The following FAT1 variants were observed in gnomAD, a reference collection of about 807,000 sequenced individuals.
FAT1 encodes the protein protocadherin Fat 1.
Under a neutral mutation model 329.8 loss-of-function variants are expected in FAT1, and 171 were observed. The ratio of observed to expected loss-of-function variants is 0.52; its 90% CI spans 0.46 to 0.59. FAT1 has a LOEUF of 0.59. Among genes scored for constraint, FAT1 ranks in the 20% least tolerant of loss-of-function variants. FAT1 has a pLI of 0.00. For missense variants in FAT1, 5,672 were observed against 5,774.4 expected, an observed-to-expected ratio of 0.98 and a Z score of 0.57; for synonymous variants, 2,233 against 2,228.6, an observed-to-expected ratio of 1.00 and a Z score of -0.06.
intron 3 of FAT1, 89 bp from the exon 4 acceptor site, chr4:186,639,872 G>A (rs968749534): frequency 1.3e-5 from 15 of 1,119,354 alleles, no homozygotes; most frequent in Non-Finnish European, 2.0e-5. Flanking sequence ...GCCAGGTGCG[G>A]TAGCTCATGC....
chr4:186,608,623 C>A (rs1486917980), intron 16 of FAT1, among the ~76,000 whole-genome samples: 1 of 152,172 alleles, frequency 6.6e-6, no homozygotes, highest in African/African-American at 2.4e-5. Context: ...AGGGGAGCAA[C>A]TGACCTTCCT....
chr4:186,605,971 T>A lies in FAT1; in HGVS notation c.10350+99A>T. On this transcript the variant is annotated intron_variant, in intron 17 of 26. Transcript: ENST00000441802. Reference sequence around the variant, plus strand: ...TCTTGAATTCTACGTTTCCCATTTTTCTAGAAAGAAACCTTTGGATAAGAA... The same window carrying A: ...TCTTGAATTCTACGTTTCCCATTTTACTAGAAAGAAACCTTTGGATAAGAA... 3.4e-6 allele frequency: 4 copies of A among 1,165,208 alleles called. No individual in the cohort carries two copies. In the South Asian group the frequency reaches 6.0e-5, roughly 17 times the overall value. 72.2% of individuals were successfully genotyped at this position (1,165,208 alleles called of 1,614,324 possible). A position where few individuals can be genotyped will look rare whatever the true frequency, so the allele number is the denominator to read the frequency against.
Position 186,627,084 on chromosome 4 carries a change from G to A in FAT1, c.4810+1070C>T, listed in dbSNP as rs544319653. ...ATAAAGTGAGCTTCACCAGCCCACA[G>A]AATGAATGAATGAATGAATGAATGA... On this transcript the variant is annotated intron_variant, in intron 9 of 26. Coordinates refer to ENST00000441802, the MANE Select transcript of FAT1 (RefSeq NM_005245.4). Among the ~76,000 whole-genome samples the A allele has an allele frequency of 3.2e-4, 37 of 115,162 alleles. 1 individual carries two copies. The South Asian group carries it at 0.01, about 31-fold the overall frequency. 75.6% of individuals were successfully genotyped at this position (115,162 alleles called of 152,430 possible).
chr4:186,611,556 G>C lies in FAT1; in HGVS notation c.9683C>G (p.Pro3228Arg), dbSNP rs949427217. Residue 3228 changes from proline (P) to arginine (R), a missense_variant, in exon 14 of 27, where the codon CCT becomes CGT. By Grantham distance (103) the Pro-to-Arg change is moderately radical. This residue lies in a region of FAT1 where 1,706 missense variants were observed against 1,859.1 expected (regional missense o/e 0.92). Transcript: ENST00000441802. Reference sequence around the variant, plus strand: ...ACCATATTCACGGTACTCAAACACAGGGGGGTTGTCATTTATGTCAAGAAC... The same window carrying C: ...ACCATATTCACGGTACTCAAACACACGGGGGTTGTCATTTATGTCAAGAAC... ...VSVLDINDNPPVFEYREYGAT... is the reference protein window; with the variant it reads ...VSVLDINDNPRVFEYREYGAT... 1.1e-5 allele frequency: 18 copies of C among 1,613,828 alleles called. No homozygotes were observed. Among genetic ancestry groups the C allele is most frequent in the Non-Finnish European group, 1.3e-5 (15 of 1,179,792 alleles).
rs1244988096 is a variant in FAT1 at position 186,707,278 on chromosome 4, G to C, written c.2550C>G (p.Asp850Glu). 2.5e-6 allele frequency: 4 copies of C among 1,613,948 alleles called. No homozygotes were observed. The highest frequency in any genetic ancestry group is 3.4e-6 in the Non-Finnish European group (4 of 1,179,896). ...EIIQVEATDK[D>E]LGPNGHVTYS... ...ACGTCACGTGTCCGTTGGGCCCCAGGTCTTTATCTGTGGCTTCAACCTGGA... is the reference window on the plus strand; with the variant it reads ...ACGTCACGTGTCCGTTGGGCCCCAGCTCTTTATCTGTGGCTTCAACCTGGA... Residue 850 changes from aspartate to glutamate, a missense_variant, in exon 2 of 27, where the codon GAC becomes GAG. By Grantham distance (45) the Asp-to-Glu change is conservative. This residue lies in a region of FAT1 where 3,966 missense variants were observed against 3,915.2 expected (regional missense o/e 1.01). Transcript: ENST00000441802.
In FAT1 at chr4:186,611,572, T is replaced by C. The variant is rs1304911985; in HGVS notation, c.9667A>G (p.Ile3223Val). 2 of 1,613,810 alleles carry C rather than the reference T, an allele frequency of 1.2e-6. No homozygotes were observed. The highest frequency in any genetic ancestry group is 1.7e-6 in the Non-Finnish European group (2 of 1,179,866). The change falls in exon 14 of 27, where the codon ATA becomes GTA. Residue 3223 changes from isoleucine (I) to valine (V), a missense_variant. Coordinates refer to ENST00000441802, the MANE Select transcript of FAT1 (RefSeq NM_005245.4). ...TGTVIVSVLD[I>V]NDNPPVFEYR... ...TCAAACACAGGGGGGTTGTCATTTA[T>C]GTCAAGAACTGATACAATCACAGTG... is the stretch of plus-strand genomic sequence containing the variant.
chr4:186,680,914 T>C (rs771227744), intron 2 of FAT1, among the ~76,000 whole-genome samples: 2 of 152,104 alleles, frequency 1.3e-5, no homozygotes, highest in Non-Finnish European at 2.9e-5. Flanking sequence ...TGGCTCACAT[T>C]AGGAAAAGCA....
chr4:186,693,881 C>G (rs1579459869), intron 2 of FAT1, among the ~76,000 whole-genome samples: 1 of 152,222 alleles, frequency 6.6e-6, no homozygotes, highest in East Asian at 1.9e-4. Context: ...AACCTAACAG[C>G]CATCTCCACA....
intron 14 of FAT1, among the ~76,000 whole-genome samples, chr4:186,610,459 T>TAA (rs1739352092): frequency 6.6e-6 from 1 of 151,606 alleles, no homozygotes; most frequent in Non-Finnish European, 1.5e-5. Context: ...TATATCCTTT[T>TAA]AACTTCTAGA....
At chr4:186,595,576 A>C in intron 26 of FAT1, 113 bp downstream of exon 26, 1 of 1,294,050 alleles carries the variant, frequency 7.7e-7, no homozygotes, top group South Asian at 1.4e-5. Flanking sequence ...GTGGTCCAAG[A>C]AAAATGAAAA....
In FAT1 at chr4:186,603,025, C is replaced by T; in HGVS notation, c.11360G>A (p.Cys3787Tyr). ...TTCACAGCCATGGTGGACAGGTGGG[C>T]ACCTTCCCTCTTCATTCAAAGAGGG... is the stretch of plus-strand genomic sequence containing the variant. ...AAVCLCKEGR[C>Y]PPVHHGCEDD... Residue 3787 changes from cysteine (C) to tyrosine (Y), a missense_variant, in exon 20 of 27, where the codon TGC becomes TAC. Around this residue, in one of 2 missense-constraint regions of FAT1, gnomAD observed 1,706 missense variants for 1,859.1 expected, o/e 0.92. Coordinates refer to ENST00000441802, the MANE Select transcript of FAT1 (RefSeq NM_005245.4). 6.2e-7 allele frequency: 1 copy of T among 1,613,884 alleles called. No homozygotes were observed. The highest frequency in any genetic ancestry group is 8.5e-7 in the Non-Finnish European group (1 of 1,179,856).
chr4:186,596,529 G>A lies in FAT1; in HGVS notation c.13000+11C>T, dbSNP rs2126385852. ...AGTGACACTTTAGTGAGATGAAAAAGTGGCTCTTACTGTCATAGTCAAAGT... is the reference window on the plus strand; with the variant it reads ...AGTGACACTTTAGTGAGATGAAAAAATGGCTCTTACTGTCATAGTCAAAGT... On this transcript the variant is annotated intron_variant, in intron 25 of 26. Transcript: ENST00000441802. This position sits in a 1 kb window ranked among gnomAD's most constrained non-coding sequence, Gnocchi z 4.7. 1 of 1,604,264 alleles carries A rather than the reference G, an allele frequency of 6.2e-7. No homozygotes were observed. The highest frequency in any genetic ancestry group is 8.5e-7 in the Non-Finnish European group (1 of 1,176,730).
chr4:186,624,217 A>C (rs1740185377), intron 9 of FAT1, among the ~76,000 whole-genome samples: 1 of 151,644 alleles, frequency 6.6e-6, no homozygotes, highest in Non-Finnish European at 1.5e-5. Flanking sequence ...AGTGATTTTT[A>C]AACAACTTTA....
At chr4:186,705,223 C>A (rs1462577658) in intron 2 of FAT1, among the ~76,000 whole-genome samples, 1 of 151,624 alleles carries the variant, frequency 6.6e-6, no homozygotes, top group African/African-American at 2.4e-5. Context: ...CGATTACAGG[C>A]GTGAGCCATC....
intron 2 of FAT1, among the ~76,000 whole-genome samples, chr4:186,682,526 C>CAA (rs10561120): frequency 1.8e-4 from 22 of 119,704 alleles, no homozygotes; most frequent in African/African-American, 5.1e-4. Flanking sequence ...GACTCTGTCT[C>CAA]AAAAAAAAAA....
rs761019489 is a variant in FAT1, at chr4:186,709,609, T to C, written c.219A>G (p.Lys73=). The part of the protein sequence containing the change: ...ITHPAWEVRY[K]IVSGDSENLF... The stretch of plus-strand genomic sequence containing the variant: ...GGTTTTCACTGTCTCCGGAAACAAT[T>C]TTGTACCTTACTTCCCACGCTGGAT... The change falls in exon 2 of 27, where the codon AAA becomes AAG. Residue 73 remains lysine (K), a synonymous_variant. Coordinates refer to ENST00000441802, the MANE Select transcript of FAT1 (RefSeq NM_005245.4). 11 of 1,613,814 alleles carry C rather than the reference T, an allele frequency of 6.8e-6. No homozygotes were observed. The highest frequency in any genetic ancestry group is 6.7e-5 in the Admixed American group (4 of 59,986).
Position 186,707,842 on chromosome 4 carries a change from T to C in FAT1, c.1986A>G (p.Thr662=), listed in dbSNP as rs758295551. 13 of 1,613,678 alleles carry C rather than the reference T, an allele frequency of 8.1e-6. No homozygotes were observed. The highest frequency in any genetic ancestry group is 1.0e-5 in the Non-Finnish European group (12 of 1,179,898). Residue 662 remains threonine, a synonymous_variant, in exon 2 of 27, where the codon ACA becomes ACG. Coordinates refer to ENST00000441802, the MANE Select transcript of FAT1 (RefSeq NM_005245.4). ...TTACCAGCTTGTGACTGGCAGCCACTGTTATGTTGATATATAATGGTGTGG... is the reference window on the plus strand; with the variant it reads ...TTACCAGCTTGTGACTGGCAGCCACCGTTATGTTGATATATAATGGTGTGG... ...NFATPLYINI[T]VAASHKLVNL... is the part of the protein sequence containing the mutation.
chr4:186,726,075 C>G (rs1038151978), upstream of FAT1, among the ~76,000 whole-genome samples: 1 of 152,220 alleles, frequency 6.6e-6, no homozygotes, highest in Non-Finnish European at 1.5e-5. Context: ...GGCACCATTG[C>G]TATAATAAGT....
chr4:186,599,883 C>A lies in FAT1; in HGVS notation c.12103+15G>T, dbSNP rs10009030. On this transcript the variant is annotated intron_variant, in intron 22 of 26. Transcript: ENST00000441802. The stretch of plus-strand genomic sequence containing the variant: ...ACGTGCAGCATTTTAAAGATGGCAA[C>A]ATTACGGAGCCCACCTCCAGCAGGT... 490,642 of 1,591,992 alleles carry A rather than the reference C, an allele frequency of 0.31. 77,297 individuals are homozygous for A. Among genetic ancestry groups the A allele is most frequent in the East Asian group, 0.41 (18,081 of 44,590 alleles).
Sources: allele counts gnomAD v4.1 joint callset (sites outside exome capture counted in the v4.1 genomes callset), GRCh38; gene constraint gnomAD v4.1.1; regional missense constraint gnomAD v4.1.1; non-coding constraint Gnocchi (gnomAD v3.1); transcripts MANE v1.5; gene names NCBI Gene and HGNC (gene_info 2026-07-23, HGNC 2026-07-21).